Variants in CMC2 observed in about 807,000 individuals in gnomAD.
The protein encoded by CMC2 is C-X9-C motif containing 2.
CMC2 carries 5 observed loss-of-function variants against 7.5 expected under a neutral mutation model. The observed-to-expected ratio is 0.66, with a 90% confidence interval of 0.35 to 1.40. The LOEUF is 1.40. Ranked by LOEUF, CMC2 falls within the 40% of genes most tolerant of loss-of-function variation. The probability of loss-of-function intolerance (pLI) is 0.04; values close to 1 mark genes in which losing one functional copy is unlikely to be tolerated. For missense variants in CMC2, 115 were observed against 92.3 expected (o/e 1.25, Z -1.01); for synonymous variants, 37 against 31.4 (o/e 1.18, Z -0.60).
At chr16:80,999,920 C>A (rs1255783038) in intron 1 of CMC2, among the ~76,000 whole-genome samples, 1 of 152,166 alleles carries the variant, frequency 6.6e-6, no homozygotes, top group South Asian at 2.1e-4. Context: ...TACAGATTTA[C>A]ACAGAATGCC....
intron 1 of CMC2, among the ~76,000 whole-genome samples, chr16:81,005,269 A>G (rs574112926): frequency 5.3e-5 from 8 of 152,266 alleles, no homozygotes; most frequent in African/African-American, 1.9e-4. Flanking sequence ...AAAAATACAA[A>G]AATTAGCCAG....
rs1444599353 is a variant in CMC2, at chr16:80,969,452, G to A, written c.*6641C>T. On this transcript the variant is annotated 3_prime_UTR_variant, in exon 4 of 4. Transcript: ENST00000219400. Reference sequence around the variant, plus strand: ...CCACTTCAGTAAATGGGGCCCACAGGAAGGTCTGAAGGGGCTGGAACAATT... The same window carrying A: ...CCACTTCAGTAAATGGGGCCCACAGAAAGGTCTGAAGGGGCTGGAACAATT... 1.3e-5 allele frequency: 2 copies of A among 152,246 alleles called. No individual in the cohort carries two copies. The highest frequency in any genetic ancestry group is 6.5e-5 in the Admixed American group (1 of 15,286). 9.4% of individuals were successfully genotyped at this position (152,246 alleles called of 1,614,324 possible).
At chr16:80,995,155 T>C (rs1968308454) in intron 2 of CMC2, among the ~76,000 whole-genome samples, 1 of 151,360 alleles carries the variant, frequency 6.6e-6, no homozygotes, top group South Asian at 2.1e-4. Context: ...CAAAAACAAA[T>C]GACTTGTGCA....
chr16:80,991,437 C>A (rs983069860), intron 2 of CMC2, among the ~76,000 whole-genome samples: 6 of 152,096 alleles, frequency 3.9e-5, no homozygotes, highest in African/African-American at 1.4e-4. Flanking sequence ...GAGTTCAAGA[C>A]CAGCCTGAGC....
chr16:80,992,028 C>T (rs554740496), intron 2 of CMC2: 110 of 434,820 alleles, frequency 2.5e-4, no homozygotes, highest in African/African-American at 1.1e-3. Context: ...CTTTAAATAA[C>T]GATCATGTAT....
At chr16:81,005,769 T>C (rs959601822) in intron 1 of CMC2, among the ~76,000 whole-genome samples, 1 of 152,158 alleles carries the variant, frequency 6.6e-6, no homozygotes, top group African/African-American at 2.4e-5. Context: ...TGAATAAACA[T>C]TACCAGGACT....
rs1911710035 is a variant in CMC2, at chr16:80,968,577, A to C, written c.*7516T>G. On this transcript the variant is annotated 3_prime_UTR_variant, in exon 4 of 4. Transcript: ENST00000219400. ...TTAGTTCTCTAACTGTTGAAAATAT[A>C]ATCATTCCTAGGGGGCAGTCTTTCC... is the stretch of plus-strand genomic sequence containing the variant. 1.3e-5 allele frequency: 2 copies of C among 152,194 alleles called. No individual in the cohort carries two copies. The highest frequency in any genetic ancestry group is 2.9e-5 in the Non-Finnish European group (2 of 68,038). The allele number at this position is 152,194 out of a possible 1,614,324, so 9.4% of individuals were successfully genotyped here.
Position 80,994,372 on chromosome 16 carries a change from GAA to G in CMC2, c.81+2940_81+2941del, listed in dbSNP as rs200751820. On this transcript the variant is annotated intron_variant, in intron 2 of 3. Coordinates refer to ENST00000219400, the MANE Select transcript of CMC2 (RefSeq NM_020188.5). ...GACACAAAAAGCACAAACCATGAAAGAAAAAAAAAAGACTTCATCAAATGTAC... is the reference window on the plus strand; with the variant it reads ...GACACAAAAAGCACAAACCATGAAAGAAAAAAAAGACTTCATCAAATGTAC... 1.4e-3 allele frequency among the ~76,000 whole-genome samples: 177 copies of G among 130,050 alleles called. 1 individual carries two copies. The East Asian group carries it at 0.021, about 16-fold the overall frequency. 85.3% of individuals were successfully genotyped at this position (130,050 alleles called of 152,430 possible).
chr16:80,988,152 C>T (rs112093919), intron 2 of CMC2, among the ~76,000 whole-genome samples: 1 of 152,084 alleles, frequency 6.6e-6, no homozygotes, highest in Admixed American at 6.6e-5. Context: ...CCACCGCACT[C>T]GAGCCTGGGT....
chr16:80,973,020 T>C lies in CMC2; in HGVS notation c.*3073A>G, dbSNP rs1221069731. ...CCACTGCATATGGGAATTCAAAATA[T>C]TTGGAAATCCTCAGGAAAAAGTGCG... is the stretch of plus-strand genomic sequence containing the variant. On this transcript the variant is annotated 3_prime_UTR_variant, in exon 4 of 4. Transcript: ENST00000219400. The C allele has an allele frequency of 6.6e-6, 1 of 152,254 alleles. No homozygotes were observed. The highest frequency in any genetic ancestry group is 6.5e-5 in the Admixed American group (1 of 15,286). 9.4% of individuals were successfully genotyped at this position (152,254 alleles called of 1,614,324 possible). A position where few individuals can be genotyped will look rare whatever the true frequency, so the allele number is the denominator to read the frequency against.
At chr16:81,000,917 T>G (rs939690815) in intron 1 of CMC2, among the ~76,000 whole-genome samples, 18 of 152,266 alleles carry the variant, frequency 1.2e-4, no homozygotes, top group African/African-American at 3.9e-4. Flanking sequence ...GTAGCTCTAT[T>G]CACAATAGCA....
intron 2 of CMC2, among the ~76,000 whole-genome samples, chr16:80,984,924 G>A (rs1967406023): frequency 6.6e-6 from 1 of 152,162 alleles, no homozygotes; most frequent in African/African-American, 2.4e-5. Flanking sequence ...ATGCCCACAG[G>A]CTACAATTTT....
Position 80,997,359 on chromosome 16 carries a change from T to C in CMC2, c.36A>G (p.Glu12=), listed in dbSNP as rs1968510021. 6.2e-7 allele frequency: 1 copy of C among 1,611,286 alleles called. No individual in the cohort carries two copies. Among genetic ancestry groups the C allele is most frequent in the African/African-American group, 1.3e-5 (1 of 74,964 alleles). ...GCAAGTTAATCAAGACGTTGCATTC[T>C]TCAGTGTGCAAGTGTGGAGATAAGT... ...HPDLSPHLHT[E]ECNVLINLLK... Residue 12 remains glutamate, a synonymous_variant, in exon 2 of 4, where the codon GAA becomes GAG. Coordinates refer to ENST00000219400, the MANE Select transcript of CMC2 (RefSeq NM_020188.5).
intron 2 of CMC2, among the ~76,000 whole-genome samples, chr16:80,989,004 A>T (rs1324920968): frequency 6.6e-6 from 1 of 152,212 alleles, no homozygotes; most frequent in East Asian, 1.9e-4. Context: ...GGAATACCCT[A>T]GAAGTGATGT....
intron 1 of CMC2, among the ~76,000 whole-genome samples, chr16:81,005,668 G>A (rs1405782301): frequency 6.6e-6 from 1 of 152,108 alleles, no homozygotes; most frequent in African/African-American, 2.4e-5. Context: ...GCTTCTGGGA[G>A]GGACCCGGGG....
chr16:80,991,716 A>G (rs1968008779), intron 2 of CMC2: 1 of 284,184 alleles, frequency 3.5e-6, no homozygotes, highest in Admixed American at 4.6e-5. Flanking sequence ...GTGATAAATT[A>G]TGTTGTAGTA....
chr16:80,993,930 C>G (rs1968208985), intron 2 of CMC2, among the ~76,000 whole-genome samples: 1 of 152,164 alleles, frequency 6.6e-6, no homozygotes, highest in African/African-American at 2.4e-5. Context: ...AGGATTTATA[C>G]TATATGACTG....
intron 2 of CMC2, among the ~76,000 whole-genome samples, chr16:80,994,723 G>A (rs1265310818): frequency 6.6e-6 from 1 of 152,216 alleles, no homozygotes; most frequent in Non-Finnish European, 1.5e-5. Flanking sequence ...TGGTAGGAAT[G>A]TAGAGTAGTA....
chr16:81,005,886 G>GGTAAGAATT (rs1481095536), intron 1 of CMC2, among the ~76,000 whole-genome samples: 1 of 152,222 alleles, frequency 6.6e-6, no homozygotes, highest in Admixed American at 6.5e-5. Context: ...TCTTGCCAAT[G>GGTAAGAATT]CACATGGTAA....
Sources: allele counts gnomAD v4.1 joint callset (sites outside exome capture counted in the v4.1 genomes callset), GRCh38; gene constraint gnomAD v4.1.1; transcripts MANE v1.5; gene names NCBI Gene and HGNC (gene_info 2026-07-23, HGNC 2026-07-21).